The following SIAE variants were observed in gnomAD, a reference collection of about 807,000 sequenced individuals.
SIAE encodes the protein sialic acid acetylesterase.
In SIAE, 39 loss-of-function variants were observed where a neutral mutation model predicts 52.6. That is an observed-to-expected ratio of 0.74 (90% CI 0.57 to 0.97). SIAE has a LOEUF of 0.97. SIAE is among the 50% of genes least tolerant of loss of function. SIAE has a pLI of 0.00. For missense variants in SIAE, 592 were observed against 662.1 expected (o/e 0.89, Z 1.16); for synonymous variants, 233 against 241.4 (o/e 0.97, Z 0.32).
At chr11:124,673,936 G>C, upstream of SIAE, 1 of 582,912 alleles carries the variant, frequency 1.7e-6, no homozygotes, top group South Asian at 2.1e-5. Context: ...GGCGGCACCA[G>C]CTCGGAGAGA....
intron 2 of SIAE, among the ~76,000 whole-genome samples, chr11:124,665,141 G>A: frequency 6.6e-6 from 1 of 152,212 alleles, no homozygotes; most frequent in Non-Finnish European, 1.5e-5. Context: ...ACAGCCTAAG[G>A]TGACACCCCA....
At chr11:124,653,371 GAGAAAA>G (rs995710451) in intron 4 of SIAE, among the ~76,000 whole-genome samples, 4 of 152,094 alleles carry the variant, frequency 2.6e-5, no homozygotes, top group Non-Finnish European at 5.9e-5. Flanking sequence ...GCATGCACAG[GAGAAAA>G]AGAAAAAGTC....
intron 4 of SIAE, among the ~76,000 whole-genome samples, chr11:124,651,362 G>A (rs1428091225): frequency 2.6e-5 from 4 of 151,838 alleles, no homozygotes; most frequent in African/African-American, 7.3e-5. Flanking sequence ...CCTGACCAAC[G>A]TGGTGAAACC....
rs950378635 is a variant in SIAE at position 124,645,344 on chromosome 11, C to T, written c.966+2021G>A. 2.7e-5 allele frequency among the ~76,000 whole-genome samples: 4 copies of T among 150,246 alleles called. No individual in the cohort carries two copies. The highest frequency in any genetic ancestry group is 4.4e-5 in the Non-Finnish European group (3 of 67,478). ...CTTTTTTTTTTTTGAGACGGAGTTTCGCTCTTATTGCCCAGGCTGAGTGCA... is the reference window on the plus strand; with the variant it reads ...CTTTTTTTTTTTTGAGACGGAGTTTTGCTCTTATTGCCCAGGCTGAGTGCA... On this transcript the variant is annotated intron_variant, in intron 7 of 9. Transcript: ENST00000263593. This position sits in a 1 kb window ranked among gnomAD's most constrained non-coding sequence, Gnocchi z 4.7.
At chr11:124,637,224 AGGAAT>A in intron 9 of SIAE, 22 bp from the exon 10 acceptor site, 1 of 1,614,026 alleles carries the variant, frequency 6.2e-7, no homozygotes, top group East Asian at 2.2e-5. Context: ...GCCATAAAAT[AGGAAT>A]GATTAGGTCA....
At chr11:124,639,982 G>T in intron 7 of SIAE, 115 bp from the exon 8 acceptor site, 1 of 1,211,034 alleles carries the variant, frequency 8.3e-7, no homozygotes, top group Non-Finnish European at 1.2e-6. Flanking sequence ...CATTCAACAC[G>T]TATTTACTGA....
intron 9 of SIAE, 133 bp from the exon 10 acceptor site, chr11:124,637,335 C>A: frequency 8.0e-7 from 1 of 1,253,832 alleles, no homozygotes; most frequent in Non-Finnish European, 1.1e-6. Context: ...CTACAGTAAG[C>A]AGAACAAACC....
chr11:124,644,351 G>GAAAAAAAAAAA (rs766691334), intron 7 of SIAE, among the ~76,000 whole-genome samples: 22 of 98,978 alleles, frequency 2.2e-4, no homozygotes, highest in African/African-American at 8.7e-4. Flanking sequence ...AGTCTGTGGT[G>GAAAAAAAAAAA]AGAAAAAAAA....
At chr11:124,671,012 G>C (rs1441034254) in intron 1 of SIAE, among the ~76,000 whole-genome samples, 1 of 152,196 alleles carries the variant, frequency 6.6e-6, no homozygotes, top group Non-Finnish European at 1.5e-5. Context: ...GCTAAGTAGA[G>C]AGAGGGTGGG....
Position 124,637,045 on chromosome 11 carries a change from G to A in SIAE, c.1478C>T (p.Pro493Leu), listed in dbSNP as rs1479115857. The change falls in exon 10 of 10, where the codon CCC becomes CTC. Residue 493 changes from proline to leucine, a missense_variant. Pro to Leu is a moderately conservative substitution (Grantham distance 98). Transcript: ENST00000263593. ...CAGGGCACTACTGGGGTGGTATAGG[G>A]GACACTGCTTATATTCACAAGGCCA... ...TTWPCEYKQC[P>L]LYHPSSALPA... 6.2e-7 allele frequency: 1 copy of A among 1,614,120 alleles called. No individual in the cohort carries two copies. The highest frequency in any genetic ancestry group is 2.2e-5 in the East Asian group (1 of 44,878).
At chr11:124,640,876 G>C (rs545144112) in intron 7 of SIAE, among the ~76,000 whole-genome samples, 22 of 152,288 alleles carry the variant, frequency 1.4e-4, no homozygotes, top group Middle Eastern at 3.4e-3. Flanking sequence ...ACGTGCCTGG[G>C]CTAGCCTGCT....
chr11:124,669,543 G>A (rs772394909), intron 1 of SIAE, 22 bp from the exon 2 acceptor site: 1 of 1,608,416 alleles, frequency 6.2e-7, no homozygotes, highest in Admixed American at 1.7e-5. Flanking sequence ...AACAAACACT[G>A]AGGGAAGCAT....
rs1942751572 is a variant in SIAE, at chr11:124,636,873, T to C, written c.*78A>G. 9 of 1,591,090 alleles carry C rather than the reference T, an allele frequency of 5.7e-6. No homozygotes were observed. The highest frequency in any genetic ancestry group is 2.1e-4 in the Middle Eastern group (1 of 4,872). On this transcript the variant is annotated 3_prime_UTR_variant, in exon 10 of 10. Transcript: ENST00000263593. ...TTCTATTAATTTCCTTTAAAAGCAA[T>C]GGTTATTATTGAAACTCCTAAATGC...
chr11:124,673,770 C>G, upstream of SIAE: 2 of 1,581,456 alleles, frequency 1.3e-6, no homozygotes, highest in African/African-American at 1.4e-5. Context: ...GGGGCGGGGC[C>G]TGGGCGGGGG....
Position 124,637,218 on chromosome 11 carries a change from TA to T in SIAE, c.1321-17del. ...AACAGGAGATCTAATAAGAGAGCCA[TA>T]AAATAGGAATGATTAGGTCAGAAGG... On this transcript the variant is annotated splice_polypyrimidine_tract_variant and intron_variant, in intron 9 of 9. Coordinates refer to ENST00000263593, the MANE Select transcript of SIAE (RefSeq NM_170601.5). 6.2e-7 allele frequency: 1 copy of T among 1,613,936 alleles called. No homozygotes were observed. Among genetic ancestry groups the T allele is most frequent in the Non-Finnish European group, 8.5e-7 (1 of 1,179,992 alleles).
chr11:124,667,308 G>A (rs1374800502), intron 2 of SIAE, among the ~76,000 whole-genome samples: 2 of 152,094 alleles, frequency 1.3e-5, no homozygotes, highest in Non-Finnish European at 2.9e-5. Context: ...GTCACTGACG[G>A]CATTTAGATC....
In SIAE at chr11:124,638,563, T is replaced by C. The variant is rs746800236; in HGVS notation, c.1299A>G (p.Lys433=). The C allele has an allele frequency of 3.1e-6, 5 of 1,614,078 alleles. No homozygotes were observed. In the African/African-American group the frequency reaches 5.3e-5, roughly 17 times the overall value. The change falls in exon 9 of 10, where the codon AAA becomes AAG. Residue 433 remains lysine, a synonymous_variant. Coordinates refer to ENST00000263593, the MANE Select transcript of SIAE (RefSeq NM_170601.5). ...TCACCTCAAATATCTTGTTGTCCTT[T>C]TTCTGCACCTGGATTTGCTGGTAAT... ...LTYYQQIQVQ[K]KDNKIFEISC...
Position 124,639,791 on chromosome 11 carries a change from C to T in SIAE, c.1043G>A (p.Gly348Asp). Residue 348 changes from glycine (G) to aspartate (D), a missense_variant, in exon 8 of 10, where the codon GGC becomes GAC. Coordinates refer to ENST00000263593, the MANE Select transcript of SIAE (RefSeq NM_170601.5). ...QIRWHQTADF[G>D]YVPNPKMPNT... The stretch of plus-strand genomic sequence containing the variant: ...GGGCATCTTTGGGTTGGGGACATAG[C>T]CGAAGTCTGCTGTTTGATGCCAACG... 6.2e-7 allele frequency: 1 copy of T among 1,614,226 alleles called. No homozygotes were observed. The highest frequency in any genetic ancestry group is 1.1e-5 in the South Asian group (1 of 91,088).
intron 2 of SIAE, among the ~76,000 whole-genome samples, chr11:124,667,558 C>T (rs1411483420): frequency 6.6e-6 from 1 of 152,162 alleles, no homozygotes; most frequent in African/African-American, 2.4e-5. Flanking sequence ...TAAAACCAAC[C>T]AGACAATCCT....
Sources: allele counts gnomAD v4.1 joint callset (sites outside exome capture counted in the v4.1 genomes callset), GRCh38; gene constraint gnomAD v4.1.1; non-coding constraint Gnocchi (gnomAD v3.1); transcripts MANE v1.5; gene names NCBI Gene and HGNC (gene_info 2026-07-23, HGNC 2026-07-21).